HS3ST4: variants seen among roughly 807,000 people sequenced by gnomAD.
The protein encoded by HS3ST4 is heparan sulfate-glucosamine 3-sulfotransferase 4, also known as heparan sulfate glucosamine 3-O-sulfotransferase 4.
In HS3ST4, 17 loss-of-function variants were observed where a neutral mutation model predicts 29.2. That is an observed-to-expected ratio of 0.58 (90% CI 0.40 to 0.87). The LOEUF (loss-of-function observed/expected upper bound fraction) is 0.87, where lower values mean the gene tolerates loss of function less well. Ranked by LOEUF, HS3ST4 falls within the 40% of genes least tolerant of loss-of-function variation. HS3ST4 has a pLI of 0.00. For synonymous variants in HS3ST4, 314 were observed against 285.7 expected (o/e 1.10, Z -1.00); for missense variants, 627 against 634.5 (o/e 0.99, Z 0.13).
chr16:25,744,378 G>A (rs991270808), intron 1 of HS3ST4, among the ~76,000 whole-genome samples: 3 of 152,142 alleles, frequency 2.0e-5, no homozygotes, highest in African/African-American at 7.2e-5. Context: ...AATCAGCTTC[G>A]TGTGAGAAAT....
At chr16:26,085,152 G>T (rs1195930095) in intron 1 of HS3ST4, among the ~76,000 whole-genome samples, 6 of 152,192 alleles carry the variant, frequency 3.9e-5, no homozygotes, top group Admixed American at 3.9e-4. Context: ...CTGGTGAAAT[G>T]AAGCCAGGAT....
intron 1 of HS3ST4, among the ~76,000 whole-genome samples, chr16:25,926,666 T>C (rs920574609): frequency 4.6e-5 from 7 of 152,354 alleles, no homozygotes; most frequent in African/African-American, 1.7e-4. Flanking sequence ...TGATTTATGA[T>C]TGGCATTTAT....
chr16:26,131,657 A>G (rs1253276528), intron 1 of HS3ST4, among the ~76,000 whole-genome samples: 3 of 152,234 alleles, frequency 2.0e-5, no homozygotes, highest in African/African-American at 7.2e-5. Context: ...TGTCCTATCC[A>G]CAGGAGGGAT....
At chr16:25,721,477 ATT>A (rs36032510) in intron 1 of HS3ST4, among the ~76,000 whole-genome samples, 1 of 151,908 alleles carries the variant, frequency 6.6e-6, no homozygotes, top group Non-Finnish European at 1.5e-5. Flanking sequence ...ATAAAGCAAT[ATT>A]TTTTTCACAA....
intron 1 of HS3ST4, among the ~76,000 whole-genome samples, chr16:25,814,897 A>C (rs1353176375): frequency 6.6e-6 from 1 of 152,224 alleles, no homozygotes; most frequent in East Asian, 1.9e-4. Context: ...ATAGAGACGC[A>C]TCTTCATGCT....
intron 1 of HS3ST4, among the ~76,000 whole-genome samples, chr16:25,801,061 A>G (rs984116705): frequency 6.6e-6 from 1 of 152,186 alleles, no homozygotes; most frequent in Admixed American, 6.5e-5. Flanking sequence ...AATGAAGTTT[A>G]TGATTCAGTA....
At chr16:26,076,169 G>C (rs111592635) in intron 1 of HS3ST4, among the ~76,000 whole-genome samples, 3,406 of 152,292 alleles carry the variant, frequency 0.022, 145 homozygotes, top group African/African-American at 0.076. Flanking sequence ...TGAAGGTACA[G>C]ATGATATACT....
chr16:25,828,715 A>G (rs1455781403), intron 1 of HS3ST4, among the ~76,000 whole-genome samples: 2 of 152,048 alleles, frequency 1.3e-5, no homozygotes, highest in Non-Finnish European at 2.9e-5. Flanking sequence ...TCCATGTGCA[A>G]ACATACTTGA....
At chr16:25,945,430 C>T (rs1250262875) in intron 1 of HS3ST4, among the ~76,000 whole-genome samples, 2 of 152,118 alleles carry the variant, frequency 1.3e-5, no homozygotes, top group African/African-American at 2.4e-5. Context: ...AGGCTTTTGC[C>T]ATGATGAACG....
At chr16:25,731,001 AC>A (rs1173798069) in intron 1 of HS3ST4, among the ~76,000 whole-genome samples, 3 of 152,214 alleles carry the variant, frequency 2.0e-5, no homozygotes, top group Non-Finnish European at 4.4e-5. Context: ...GAGAAACCAG[AC>A]ATGAGCTTCC....
chr16:25,786,814 C>G (rs770340487), intron 1 of HS3ST4, among the ~76,000 whole-genome samples: 1 of 152,126 alleles, frequency 6.6e-6, no homozygotes, highest in Non-Finnish European at 1.5e-5. Context: ...AAAAAAAACC[C>G]TATAATTTCA....
At chr16:25,828,348 T>TTC (rs1476139988) in intron 1 of HS3ST4, among the ~76,000 whole-genome samples, 3 of 109,790 alleles carry the variant, frequency 2.7e-5, no homozygotes, top group African/African-American at 1.0e-4. Flanking sequence ...CTTTCTCCCT[T>TTC]TCTCTCTCTC....
chr16:26,100,051 G>A (rs535036569), intron 1 of HS3ST4, among the ~76,000 whole-genome samples: 1 of 152,250 alleles, frequency 6.6e-6, no homozygotes, highest in South Asian at 2.1e-4. Flanking sequence ...AGCCTGGAAA[G>A]CATTATTAAT....
chr16:26,078,543 T>A (rs1322417414), intron 1 of HS3ST4, among the ~76,000 whole-genome samples: 2 of 152,194 alleles, frequency 1.3e-5, no homozygotes, highest in African/African-American at 4.8e-5. Context: ...TTTTGTGTGG[T>A]CTTATTAGAA....
At chr16:26,044,576 C>T (rs1488775794) in intron 1 of HS3ST4, among the ~76,000 whole-genome samples, 1 of 152,106 alleles carries the variant, frequency 6.6e-6, no homozygotes, top group Non-Finnish European at 1.5e-5. Context: ...CTGGCTATTC[C>T]TCCCTTTCCT....
chr16:26,017,332 G>A (rs1969371684), intron 1 of HS3ST4, among the ~76,000 whole-genome samples: 1 of 152,190 alleles, frequency 6.6e-6, no homozygotes, highest in Non-Finnish European at 1.5e-5. Flanking sequence ...TGATAACTTT[G>A]GAGGCAGGCC....
At chr16:25,877,223 T>A (rs1174854245) in intron 1 of HS3ST4, among the ~76,000 whole-genome samples, 1 of 152,140 alleles carries the variant, frequency 6.6e-6, no homozygotes. Context: ...CTGAAATTCA[T>A]GTCTACCCAG....
intron 1 of HS3ST4, among the ~76,000 whole-genome samples, chr16:25,942,436 A>C (rs1968581163): frequency 6.6e-6 from 1 of 152,136 alleles, no homozygotes; most frequent in African/African-American, 2.4e-5. Flanking sequence ...GTCATCTGGA[A>C]GTACAGAGAG....
At chr16:25,722,175 CAATT>C (rs954110558) in intron 1 of HS3ST4, among the ~76,000 whole-genome samples, 23 of 152,282 alleles carry the variant, frequency 1.5e-4, no homozygotes, top group Admixed American at 8.5e-4. Context: ...TAAAACTACT[CAATT>C]AATTCTGTCC....
Sources: allele counts gnomAD v4.1 joint callset (sites outside exome capture counted in the v4.1 genomes callset), GRCh38; gene constraint gnomAD v4.1.1; transcripts MANE v1.5; gene names NCBI Gene and HGNC (gene_info 2026-07-23, HGNC 2026-07-21).